TMEM217B: variants seen among roughly 807,000 people sequenced by gnomAD.
TMEM217B encodes the protein putative transmembrane protein 217B.
At chr6:37,239,907 GA>G in the TMEM217B span, among the ~76,000 whole-genome samples, 111 of 146,402 alleles carry the variant, frequency 7.6e-4, no homozygotes, top group African/African-American at 2.8e-3. Context: ...AAAAAAAAAA[GA>G]AGAATGCATT....
the TMEM217B span, among the ~76,000 whole-genome samples, chr6:37,255,234 A>T: frequency 2.6e-5 from 4 of 152,234 alleles, no homozygotes; most frequent in Non-Finnish European, 5.9e-5. Context: ...CAGCAGATTA[A>T]GCAAGAAAGA....
the TMEM217B span, chr6:37,219,155 A>G: frequency 5.5e-6 from 5 of 914,558 alleles, no homozygotes; most frequent in East Asian, 2.5e-5. Flanking sequence ...CAGAAATACG[A>G]AAACTGGGAA....
chr6:37,239,891 T>TAAAA, the TMEM217B span, among the ~76,000 whole-genome samples: 1 of 133,728 alleles, frequency 7.5e-6, no homozygotes, highest in Non-Finnish European at 1.6e-5. Context: ...CCCAGCTCAT[T>TAAAA]AAAAAAAAAA....
At chr6:37,234,402 T>C in the TMEM217B span, among the ~76,000 whole-genome samples, 1 of 152,180 alleles carries the variant, frequency 6.6e-6, no homozygotes, top group African/African-American at 2.4e-5. Context: ...GCCTTGCCAC[T>C]TAGATGCATT....
chr6:37,252,648 T>A, the TMEM217B span, among the ~76,000 whole-genome samples: 1,842 of 109,710 alleles, frequency 0.017, 16 homozygotes, highest in Non-Finnish European at 0.027. Context: ...TTTTTTTTTT[T>A]TTTTTTTTTT....
the TMEM217B span, among the ~76,000 whole-genome samples, chr6:37,226,573 A>C: frequency 6.7e-6 from 1 of 148,304 alleles, no homozygotes; most frequent in Non-Finnish European, 1.5e-5. Flanking sequence ...CTGGGATTAC[A>C]GGCGTGAGCC....
the TMEM217B span, among the ~76,000 whole-genome samples, chr6:37,252,743 G>A: frequency 1.0e-4 from 15 of 149,230 alleles, no homozygotes; most frequent in Admixed American, 1.0e-3. Flanking sequence ...GGGCTCAAGT[G>A]ATCCTCCCAC....
At chr6:37,226,250 GTTTTGTTTTA>G in the TMEM217B span, among the ~76,000 whole-genome samples, 33 of 72,214 alleles carry the variant, frequency 4.6e-4, no homozygotes, top group African/African-American at 1.2e-3. Context: ...TTTTTGTTTT[GTTTTGTTTTA>G]TTTTGTTTTT....
At chr6:37,252,085 G>A in the TMEM217B span, among the ~76,000 whole-genome samples, 1 of 152,136 alleles carries the variant, frequency 6.6e-6, no homozygotes, top group African/African-American at 2.4e-5. Context: ...TAGAGCCAGG[G>A]TTTCTCCATG....
the TMEM217B span, among the ~76,000 whole-genome samples, chr6:37,245,347 T>C: frequency 1.3e-5 from 2 of 152,362 alleles, no homozygotes; most frequent in South Asian, 2.1e-4. Flanking sequence ...ATGTTGCTGT[T>C]GCCACAGCTA....
chr6:37,252,875 A>G, the TMEM217B span, among the ~76,000 whole-genome samples: 1 of 151,568 alleles, frequency 6.6e-6, no homozygotes, highest in African/African-American at 2.4e-5. Context: ...CCTGAGCTCA[A>G]GTGATCCACC....
chr6:37,230,589 C>T, the TMEM217B span, among the ~76,000 whole-genome samples: 6 of 151,886 alleles, frequency 4.0e-5, no homozygotes, highest in Non-Finnish European at 5.9e-5. Flanking sequence ...GAAAACATGG[C>T]GCAGGGGTGG....
the TMEM217B span, among the ~76,000 whole-genome samples, chr6:37,233,661 A>AT: frequency 6.6e-6 from 1 of 152,220 alleles, no homozygotes; most frequent in Non-Finnish European, 1.5e-5. Flanking sequence ...GGACATATAC[A>AT]TTCTAACCGT....
At chr6:37,216,030 T>C in the TMEM217B span, among the ~76,000 whole-genome samples, 1 of 128,162 alleles carries the variant, frequency 7.8e-6, no homozygotes, top group Non-Finnish European at 1.7e-5. Context: ...TGTGTGTGTG[T>C]GTGAGAAACA....
the TMEM217B span, among the ~76,000 whole-genome samples, chr6:37,213,265 A>G: frequency 6.6e-6 from 1 of 152,224 alleles, no homozygotes; most frequent in East Asian, 1.9e-4. Context: ...GCTTTGCTTT[A>G]AAGTGGCAAA....
the TMEM217B span, among the ~76,000 whole-genome samples, chr6:37,253,103 T>C: frequency 2.6e-5 from 4 of 152,244 alleles, no homozygotes; most frequent in Non-Finnish European, 4.4e-5. Context: ...CATGCAAAGA[T>C]ATTTTATATT....
At chr6:37,212,424 C>G in the TMEM217B span, 1 of 415,002 alleles carries the variant, frequency 2.4e-6, no homozygotes, top group Non-Finnish European at 4.9e-6. Flanking sequence ...TTCAGTTTAA[C>G]TTCCGGTACA....
the TMEM217B span, among the ~76,000 whole-genome samples, chr6:37,256,732 T>A: frequency 1.1e-5 from 1 of 90,314 alleles, no homozygotes; most frequent in Non-Finnish European, 2.1e-5. Flanking sequence ...ATGTGGTAGC[T>A]GTAAATGGAG....
the TMEM217B span, among the ~76,000 whole-genome samples, chr6:37,240,919 T>G: frequency 6.6e-6 from 1 of 152,146 alleles, no homozygotes; most frequent in African/African-American, 2.4e-5. Flanking sequence ...TAGTAGTAGG[T>G]GAAAATATTT....
Sources: allele counts gnomAD v4.1 joint callset (sites outside exome capture counted in the v4.1 genomes callset), GRCh38; gene constraint gnomAD v4.1.1; transcripts MANE v1.5; gene names NCBI Gene and HGNC (gene_info 2026-07-23, HGNC 2026-07-21).